Variants in DNAH11 observed in about 807,000 individuals in gnomAD.
DNAH11 encodes axonemal beta dynein heavy chain 11.
In DNAH11, 442 loss-of-function variants were observed where a neutral mutation model predicts 526.0. The observed-to-expected ratio is 0.84, with a 90% CI of 0.78 to 0.91. The LOEUF (loss-of-function observed/expected upper bound fraction) is 0.91. DNAH11 is among the 40% of genes least tolerant of loss of function. The pLI is 0.00. For synonymous variants in DNAH11, 2,461 were observed against 1,935.9 expected (o/e 1.27, Z -7.12); for missense variants, 6,989 against 5,448.7 (o/e 1.28, Z -8.90).
chr7:21,777,088 A>C (rs1297391483), intron 56 of DNAH11, among the ~76,000 whole-genome samples: 1 of 151,738 alleles, frequency 6.6e-6, no homozygotes, highest in Non-Finnish European at 1.5e-5. Context: ...GTTACCCCCC[A>C]CTTCTTCCCC....
chr7:21,901,216 T>C lies in DNAH11; in HGVS notation c.13513T>C (p.Trp4505Arg), dbSNP rs1287421620. Residue 4505 changes from tryptophan (W) to arginine (R), a missense_variant, in exon 82 of 82, where the codon TGG becomes CGG. Coordinates refer to ENST00000409508, the MANE Select transcript of DNAH11 (RefSeq NM_001277115.2). ...RLKSEEKTAK[W>R]VLAGVALLLE... ...GAAGAGCGAAGAGAAGACTGCAAAATGGGTTCTGGCTGGAGTGGCTCTGCT... is the reference window on the plus strand; with the variant it reads ...GAAGAGCGAAGAGAAGACTGCAAAACGGGTTCTGGCTGGAGTGGCTCTGCT... 6.2e-7 allele frequency: 1 copy of C among 1,612,218 alleles called. No individual in the cohort carries two copies. The highest frequency in any genetic ancestry group is 1.3e-5 in the African/African-American group (1 of 74,538).
intron 36 of DNAH11, among the ~76,000 whole-genome samples, chr7:21,701,053 C>T (rs770997710): frequency 6.6e-6 from 1 of 151,980 alleles, no homozygotes; most frequent in Non-Finnish European, 1.5e-5. Flanking sequence ...TACGTGTATA[C>T]CTATGTAACA....
At position 21,698,161 on chromosome 7, in the gene DNAH11, C is replaced by T; in HGVS notation, c.6128C>T (p.Ala2043Val). 3 of 1,613,614 alleles carry T rather than the reference C, an allele frequency of 1.9e-6. No individual in the cohort carries two copies. The highest frequency in any genetic ancestry group is 2.2e-5 in the South Asian group (2 of 91,050). ...GGTTTTGTGGATGCGCGTGCATTAG[C>T]CCGAAAGTTCATTACGTTGTACACG... The part of the protein sequence containing the change: ...AEGFVDARAL[A>V]RKFITLYTLC... Residue 2043 changes from alanine (A) to valine (V), a missense_variant, in exon 36 of 82, where the codon GCC becomes GTC. Physicochemically the swap from Ala to Val is moderately conservative, Grantham distance 64 (BLOSUM62 0). Transcript: ENST00000409508.
Position 21,778,946 on chromosome 7 carries a change from C to T in DNAH11, c.9337-12C>T. ...AAGGCCAGTGACGTAAGAATAATGA[C>T]TTTTGCTTTAGGTGGGAGATCTAAA... is the stretch of plus-strand genomic sequence containing the variant. On this transcript the variant is annotated splice_polypyrimidine_tract_variant and intron_variant, in intron 56 of 81. Transcript: ENST00000409508. The T allele has an allele frequency of 6.2e-7, 1 of 1,611,898 alleles. No homozygotes were observed. The highest frequency in any genetic ancestry group is 8.5e-7 in the Non-Finnish European group (1 of 1,178,450).
chr7:21,796,293 A>G lies in DNAH11; in HGVS notation c.10027-4844A>G, dbSNP rs139856617. ...TAGCCCCAGTAGGGATCTGTGAGCC[A>G]TATATGAGAACTGCCACTGTCAGAC... On this transcript the variant is annotated intron_variant, in intron 61 of 81. Transcript: ENST00000409508. Among the ~76,000 whole-genome samples, 746 of 152,306 alleles carry G rather than the reference A, an allele frequency of 4.9e-3. 8 individuals are homozygous for G. Among genetic ancestry groups the G allele is most frequent in the African/African-American group, 0.017 (709 of 41,556 alleles).
chr7:21,881,882 G>A (rs1019966719), intron 75 of DNAH11, among the ~76,000 whole-genome samples: 1 of 151,970 alleles, frequency 6.6e-6, no homozygotes, highest in Non-Finnish European at 1.5e-5. Flanking sequence ...AAAATAAATG[G>A]TTTTAATATG....
chr7:21,681,518 C>G (rs1783135228), intron 30 of DNAH11, 28 bp from the exon 31 acceptor site: 3 of 1,606,940 alleles, frequency 1.9e-6, no homozygotes, highest in South Asian at 1.1e-5. Flanking sequence ...TAACCCTTCT[C>G]TCCTTTTTAA....
At chr7:21,624,046 G>C (rs2128455851) in intron 25 of DNAH11, among the ~76,000 whole-genome samples, 1 of 151,970 alleles carries the variant, frequency 6.6e-6, no homozygotes, top group South Asian at 2.1e-4. Context: ...AATGAGGGCA[G>C]AGCCCTCATG....
At chr7:21,825,913 G>C (rs1790271639) in intron 65 of DNAH11, among the ~76,000 whole-genome samples, 1 of 151,188 alleles carries the variant, frequency 6.6e-6, no homozygotes, top group Admixed American at 6.6e-5. Flanking sequence ...GAGCCAAGAT[G>C]GTGCCACTGC....
chr7:21,647,632 C>T (rs1216826522), intron 28 of DNAH11, among the ~76,000 whole-genome samples: 2 of 151,720 alleles, frequency 1.3e-5, no homozygotes, highest in African/African-American at 4.8e-5. Context: ...GGGGTTTCAC[C>T]TTGTTAGCCA....
chr7:21,826,387 T>C (rs1283780832), intron 65 of DNAH11, among the ~76,000 whole-genome samples: 1 of 152,184 alleles, frequency 6.6e-6, no homozygotes, highest in Non-Finnish European at 1.5e-5. Flanking sequence ...ATTATGTTTC[T>C]TTTTTCAATG....
At chr7:21,699,032 A>G (rs750642155) in intron 36 of DNAH11, among the ~76,000 whole-genome samples, 2 of 151,732 alleles carry the variant, frequency 1.3e-5, no homozygotes, top group Non-Finnish European at 2.9e-5. Flanking sequence ...GAGCTGTGTG[A>G]TTTTCTTTGT....
At chr7:21,843,910 G>T (rs1782313903) in intron 66 of DNAH11, among the ~76,000 whole-genome samples, 2 of 152,168 alleles carry the variant, frequency 1.3e-5, no homozygotes, top group African/African-American at 2.4e-5. Flanking sequence ...GATACATTAA[G>T]AATTAAAACA....
At chr7:21,628,218 A>G (rs1431293644) in intron 25 of DNAH11, among the ~76,000 whole-genome samples, 1 of 152,030 alleles carries the variant, frequency 6.6e-6, no homozygotes, top group Non-Finnish European at 1.5e-5. Context: ...TTCTAAGTAC[A>G]AGATCATGTA....
At chr7:21,779,317 T>G (rs2074331) in intron 57 of DNAH11, among the ~76,000 whole-genome samples, 1 of 152,158 alleles carries the variant, frequency 6.6e-6, no homozygotes, top group Non-Finnish European at 1.5e-5. Flanking sequence ...TTTAATGATA[T>G]GAAAGAACAA....
At chr7:21,644,641 A>G (rs1787270475) in intron 28 of DNAH11, among the ~76,000 whole-genome samples, 1 of 152,210 alleles carries the variant, frequency 6.6e-6, no homozygotes, top group Non-Finnish European at 1.5e-5. Flanking sequence ...AAAAGGGGTC[A>G]TGGTTTTGAC....
intron 40 of DNAH11, among the ~76,000 whole-genome samples, chr7:21,708,382 T>C (rs1050397217): frequency 6.6e-6 from 1 of 152,216 alleles, no homozygotes; most frequent in Non-Finnish European, 1.5e-5. Flanking sequence ...TTAAAATGTA[T>C]GTGAATTCCA....
In DNAH11 at chr7:21,639,081, A is replaced by G. The variant is rs773265484; in HGVS notation, c.4944+16A>G. On this transcript the variant is annotated intron_variant, in intron 28 of 81. Coordinates refer to ENST00000409508, the MANE Select transcript of DNAH11 (RefSeq NM_001277115.2). ...GCCTAAACAGGTAATATTTTTTTTGAAAGTCTCGTATTATACTGTGTTAGC... is the reference window on the plus strand; with the variant it reads ...GCCTAAACAGGTAATATTTTTTTTGGAAGTCTCGTATTATACTGTGTTAGC... 3.4e-5 allele frequency: 54 copies of G among 1,604,820 alleles called. No homozygotes were observed. The highest frequency in any genetic ancestry group is 9.4e-5 in the African/African-American group (7 of 74,224).
At chr7:21,647,866 G>A (rs1420222665) in intron 28 of DNAH11, among the ~76,000 whole-genome samples, 2 of 152,088 alleles carry the variant, frequency 1.3e-5, no homozygotes, top group African/African-American at 4.8e-5. Flanking sequence ...AAACTCTTAA[G>A]ATTTCATCAC....
Sources: gnomAD v4.1 joint callset for allele counts (sites outside exome capture counted in the v4.1 genomes callset) on GRCh38, gnomAD v4.1.1 for gene constraint, MANE v1.5 for transcripts, NCBI Gene and HGNC (gene_info 2026-07-23, HGNC 2026-07-21) for gene names.